The following PCDHGB1 variants were observed in gnomAD, a reference collection of about 807,000 sequenced individuals.
The protein encoded by PCDHGB1 is protocadherin gamma subfamily B, 1, also known as protocadherin gamma-B1.
In PCDHGB1, 34 loss-of-function variants were observed where a neutral mutation model predicts 56.6. The ratio of observed to expected loss-of-function variants is 0.60; its 90% CI spans 0.46 to 0.80. The LOEUF (loss-of-function observed/expected upper bound fraction) is 0.80. Among genes scored for constraint, PCDHGB1 ranks in the 30% least tolerant of loss-of-function variants. The pLI, the probability that PCDHGB1 is intolerant of heterozygous loss-of-function variation, is 0.00. For synonymous variants in PCDHGB1, 561 were observed against 505.9 expected, an observed-to-expected ratio of 1.11 and a Z score of -1.46; for missense variants, 1,278 against 1,204.6, an observed-to-expected ratio of 1.06 and a Z score of -0.90.
intron 2 of PCDHGB1, among the ~76,000 whole-genome samples, chr5:141,501,032 C>A (rs1370625012): frequency 6.6e-6 from 1 of 151,976 alleles, no homozygotes; most frequent in Non-Finnish European, 1.5e-5. Context: ...CCACGCCCAG[C>A]TAATTTTTGT....
Position 141,405,346 on chromosome 5 carries a change from G to T in PCDHGB1, c.2409+52677G>T, listed in dbSNP as rs184640789. 60 of 1,614,108 alleles carry T rather than the reference G, an allele frequency of 3.7e-5. No individual in the cohort carries two copies. The East Asian group carries it at 1.3e-3, about 35-fold the overall frequency. The stretch of plus-strand genomic sequence containing the variant: ...CTTTGTGCGTCTCTGTTGATTCCAA[G>T]TTTCCTATAGAAGACACCCCTTTGG... On this transcript the variant is annotated intron_variant, in intron 1 of 3. Transcript: ENST00000523390.
In PCDHGB1 at chr5:141,355,045, A is replaced by G. The variant is rs991621511; in HGVS notation, c.2409+2376A>G. Reference sequence around the variant, plus strand: ...CAGAATCACAAGATTTCTGCAGCACAAAGCACTGGCTCTGGAGCTTTATGA... The same window carrying G: ...CAGAATCACAAGATTTCTGCAGCACGAAGCACTGGCTCTGGAGCTTTATGA... On this transcript the variant is annotated intron_variant, in intron 1 of 3. Coordinates refer to ENST00000523390, the MANE Select transcript of PCDHGB1 (RefSeq NM_018922.3). The G allele has an allele frequency of 2.6e-6, 3 of 1,146,988 alleles. No homozygotes were observed. In the African/African-American group the frequency reaches 4.7e-5, roughly 18 times the overall value. The allele number at this position is 1,146,988 out of a possible 1,614,324, so 71.1% of individuals were successfully genotyped here.
intron 1 of PCDHGB1, among the ~76,000 whole-genome samples, chr5:141,473,422 A>C (rs2154571673): frequency 6.6e-6 from 1 of 152,332 alleles, no homozygotes; most frequent in African/African-American, 2.4e-5. Context: ...TGGGGGAAGC[A>C]GATACTTTGC....
At chr5:141,434,807 A>G (rs2097718601) in intron 1 of PCDHGB1, among the ~76,000 whole-genome samples, 1 of 152,016 alleles carries the variant, frequency 6.6e-6, no homozygotes, top group South Asian at 2.1e-4. Context: ...AGCTTGGAGA[A>G]ATATATCCCT....
At chr5:141,388,952 G>GGAC in intron 1 of PCDHGB1, 1 of 1,614,022 alleles carries the variant, frequency 6.2e-7, no homozygotes, top group Non-Finnish European at 8.5e-7. Flanking sequence ...TAATTATGGA[G>GGAC]GACGCCGAGC....
chr5:141,389,490 G>T, intron 1 of PCDHGB1: 1 of 1,613,044 alleles, frequency 6.2e-7, no homozygotes, highest in South Asian at 1.1e-5. Flanking sequence ...CCGCGACCAG[G>T]GCTCGCCAGC....
intron 1 of PCDHGB1, chr5:141,440,945 A>T (rs1210278728): frequency 2.6e-5 from 4 of 152,234 alleles, no homozygotes; most frequent in African/African-American, 9.7e-5. Flanking sequence ...CCAGGACTAG[A>T]GTGTCAAGGC....
intron 1 of PCDHGB1, chr5:141,400,090 A>G: frequency 6.2e-7 from 1 of 1,614,064 alleles, no homozygotes; most frequent in Non-Finnish European, 8.5e-7. Context: ...CGCCACCGCC[A>G]CGCTGCACTT....
At chr5:141,484,921 T>A in intron 1 of PCDHGB1, 1 of 478,304 alleles carries the variant, frequency 2.1e-6, no homozygotes, top group South Asian at 2.8e-5. Flanking sequence ...TTAACCCTGC[T>A]GCTGTTGGGA....
chr5:141,466,118 G>A lies in PCDHGB1; in HGVS notation c.2410-28689G>A, dbSNP rs1299389265. ...GCCTGGGCAACAGAGTGAGACTCCA[G>A]CTCAAAAAAAAAATCAAGTGAAAAC... On this transcript the variant is annotated intron_variant, in intron 1 of 3. Coordinates refer to ENST00000523390, the MANE Select transcript of PCDHGB1 (RefSeq NM_018922.3). Among the ~76,000 whole-genome samples the A allele has an allele frequency of 2.0e-5, 3 of 151,096 alleles. No individual in the cohort carries two copies. The East Asian group carries it at 5.8e-4, about 29-fold the overall frequency.
rs150858414 is a variant in PCDHGB1, at chr5:141,363,022, A to G, written c.2409+10353A>G. ...GTTAATCACAGGGCATGGGTAGGACATTGTCCCATTGACTTGAAGACCAAC... is the reference window on the plus strand; with the variant it reads ...GTTAATCACAGGGCATGGGTAGGACGTTGTCCCATTGACTTGAAGACCAAC... On this transcript the variant is annotated intron_variant, in intron 1 of 3. Coordinates refer to ENST00000523390, the MANE Select transcript of PCDHGB1 (RefSeq NM_018922.3). Among the ~76,000 whole-genome samples the G allele has an allele frequency of 4.1e-3, 621 of 152,372 alleles. 7 individuals are homozygous for G. Among genetic ancestry groups the G allele is most frequent in the South Asian group, 0.03 (143 of 4,830 alleles).
chr5:141,380,206 G>C (rs750518608), intron 1 of PCDHGB1, among the ~76,000 whole-genome samples: 1 of 152,114 alleles, frequency 6.6e-6, no homozygotes, highest in South Asian at 2.1e-4. Flanking sequence ...GGCCTGAAAG[G>C]CATTCATTTC....
rs765376157 is a variant in PCDHGB1 at position 141,486,033 on chromosome 5, A to G, written c.2410-8774A>G. 4.3e-6 allele frequency: 7 copies of G among 1,614,148 alleles called. No individual in the cohort carries two copies. The highest frequency in any genetic ancestry group is 5.9e-6 in the Non-Finnish European group (7 of 1,180,014). ...TTTTATTTCAGTGGTCATACCCCTG[A>G]TCGTGTAAGAAACCTCTTTAGCCTG... On this transcript the variant is annotated intron_variant, in intron 1 of 3. Transcript: ENST00000523390. This position sits in a 1 kb window ranked among gnomAD's most constrained non-coding sequence, Gnocchi z 5.0.
intron 1 of PCDHGB1, chr5:141,367,537 A>AAAGTAAAT (rs373624904): frequency 1.5e-4 from 22 of 147,524 alleles, no homozygotes; most frequent in African/African-American, 5.5e-4. Context: ...ACTCCGTCTC[A>AAAGTAAAT]AAATAAATAA....
rs2154576188 is a variant in PCDHGB1 at position 141,477,933 on chromosome 5, T to C, written c.2410-16874T>C. ...GCGGATGCAGGGCACAATGCCTGGCTCTCCTACAGTCTCTTGGGATCCCCT... is the reference window on the plus strand; with the variant it reads ...GCGGATGCAGGGCACAATGCCTGGCCCTCCTACAGTCTCTTGGGATCCCCT... On this transcript the variant is annotated intron_variant, in intron 1 of 3. Coordinates refer to ENST00000523390, the MANE Select transcript of PCDHGB1 (RefSeq NM_018922.3). The surrounding 1 kb of genome is among the most constrained non-coding windows in gnomAD (Gnocchi z 4.9). 1.2e-6 allele frequency: 2 copies of C among 1,614,112 alleles called. No homozygotes were observed. Among genetic ancestry groups the C allele is most frequent in the Non-Finnish European group, 1.7e-6 (2 of 1,180,022 alleles).
chr5:141,352,443 G>A lies in PCDHGB1; in HGVS notation c.2183G>A (p.Cys728Tyr), dbSNP rs1243553621. 1 of 1,613,910 alleles carries A rather than the reference G, an allele frequency of 6.2e-7. No homozygotes were observed. Among genetic ancestry groups the A allele is most frequent in the African/African-American group, 1.3e-5 (1 of 74,940 alleles). The change falls in exon 1 of 4, where the codon TGC becomes TAC. Residue 728 changes from cysteine (C) to tyrosine (Y), a missense_variant. By Grantham distance (194) the Cys-to-Tyr change is radical. Transcript: ENST00000523390. ...GAGGGCTGCTTTCAAACCGGTCTCTGCTCCAAGTCTGGGCCCGGGGTTCCT... is the reference window on the plus strand; with the variant it reads ...GAGGGCTGCTTTCAAACCGGTCTCTACTCCAAGTCTGGGCCCGGGGTTCCT... Reference protein sequence around the residue: ...DTEGCFQTGLCSKSGPGVPPN... With the variant: ...DTEGCFQTGLYSKSGPGVPPN...
rs1213998742 is a variant in PCDHGB1, at chr5:141,357,158, C to T, written c.2409+4489C>T. ...GTCGTCCAGGACCATGGCCAGCCCC[C>T]TCTCTCGGCCACCGTCACACTCACT... is the stretch of plus-strand genomic sequence containing the variant. On this transcript the variant is annotated intron_variant, in intron 1 of 3. Coordinates refer to ENST00000523390, the MANE Select transcript of PCDHGB1 (RefSeq NM_018922.3). The T allele has an allele frequency of 1.6e-5, 26 of 1,613,554 alleles. No individual in the cohort carries two copies. Among genetic ancestry groups the T allele is most frequent in the African/African-American group, 4.0e-5 (3 of 74,958 alleles).
At chr5:141,497,855 C>T (rs1447484949) in intron 2 of PCDHGB1, among the ~76,000 whole-genome samples, 1 of 152,122 alleles carries the variant, frequency 6.6e-6, no homozygotes, top group Non-Finnish European at 1.5e-5. Flanking sequence ...ATTTTTGATT[C>T]AGCGGCTCCA....
chr5:141,388,324 A>G, intron 1 of PCDHGB1: 1 of 1,613,978 alleles, frequency 6.2e-7, no homozygotes, highest in Non-Finnish European at 8.5e-7. Context: ...GAGTCTGCAC[A>G]GCCTGGCACA....
Sources: gnomAD v4.1 joint callset for allele counts (sites outside exome capture counted in the v4.1 genomes callset) on GRCh38, gnomAD v4.1.1 for gene constraint, Gnocchi (gnomAD v3.1) non-coding constraint, MANE v1.5 for transcripts, NCBI Gene and HGNC (gene_info 2026-07-23, HGNC 2026-07-21) for gene names.